Variants in ETV1 observed in about 807,000 individuals in gnomAD.
ETV1 encodes the protein ETS variant transcription factor 1.
ETV1 carries 27 observed loss-of-function variants against 62.3 expected under a neutral mutation model. The observed-to-expected ratio is 0.43, with a 90% confidence interval of 0.32 to 0.60. The LOEUF (loss-of-function observed/expected upper bound fraction) is 0.60, where lower values mean the gene tolerates loss of function less well. Among genes scored for constraint, ETV1 ranks in the 20% least tolerant of loss-of-function variants. The probability of loss-of-function intolerance (pLI) is 0.06; values close to 1 mark genes in which losing one functional copy is unlikely to be tolerated. For missense variants in ETV1, 605 were observed against 605.8 expected, an observed-to-expected ratio of 1.00 and a Z score of 0.01; for synonymous variants, 222 against 199.6, an observed-to-expected ratio of 1.11 and a Z score of -0.94.
intron 9 of ETV1, among the ~76,000 whole-genome samples, chr7:13,915,446 A>C (rs1489152598): frequency 6.6e-6 from 1 of 152,264 alleles, no homozygotes; most frequent in Non-Finnish European, 1.5e-5. Context: ...CACCAATCTC[A>C]TTCAAGAAAG....
intron 6 of ETV1, among the ~76,000 whole-genome samples, chr7:13,966,224 T>C (rs1357364911): frequency 6.6e-6 from 1 of 152,210 alleles, no homozygotes; most frequent in Admixed American, 6.5e-5. Flanking sequence ...GTCAGTCCCC[T>C]ATAACATGAA....
chr7:13,908,701 A>C (rs1783238208), intron 11 of ETV1, among the ~76,000 whole-genome samples: 1 of 152,172 alleles, frequency 6.6e-6, no homozygotes, highest in South Asian at 2.1e-4. Context: ...AAGCTCGGGA[A>C]CATGGGGTAG....
chr7:13,894,724 G>T lies in ETV1; in HGVS notation c.*1142C>A, dbSNP rs1781620679. ...CTTATAAATGGTCATAGTAAATTCA[G>T]CATGAAAGAGAATATTACAGAAAAG... On this transcript the variant is annotated 3_prime_UTR_variant, in exon 14 of 14. Coordinates refer to ENST00000430479, the MANE Select transcript of ETV1 (RefSeq NM_004956.5). 4.3e-6 allele frequency: 1 copy of T among 232,350 alleles called. No individual in the cohort carries two copies. The highest frequency in any genetic ancestry group is 5.6e-5 in the Admixed American group (1 of 17,750). 14.4% of individuals were successfully genotyped at this position (232,350 alleles called of 1,614,324 possible). A position where few individuals can be genotyped will look rare whatever the true frequency, so the allele number is the denominator to read the frequency against.
chr7:13,928,018 C>T (rs1380191517), intron 9 of ETV1, among the ~76,000 whole-genome samples: 2 of 152,104 alleles, frequency 1.3e-5, no homozygotes, highest in Non-Finnish European at 2.9e-5. Flanking sequence ...ACTTAACTTA[C>T]AAAAGAGATG....
rs1562726084 is a variant in ETV1 at position 13,988,079 on chromosome 7, AC to A, written c.133+6del. On this transcript the variant is annotated splice_donor_region_variant and intron_variant, in intron 4 of 13. Transcript: ENST00000430479. The stretch of plus-strand genomic sequence containing the variant: ...AAATGGGGATTCAGCCCAAAATCAA[AC>A]CTCACCTTCTGAATCATGAGCCAGA... 1 of 1,590,450 alleles carries A rather than the reference AC, an allele frequency of 6.3e-7. No individual in the cohort carries two copies. The highest frequency in any genetic ancestry group is 1.1e-5 in the South Asian group (1 of 90,582).
At chr7:13,921,080 T>C (rs6956539) in intron 9 of ETV1, among the ~76,000 whole-genome samples, 8,238 of 152,298 alleles carry the variant, frequency 0.054, 256 homozygotes, top group Middle Eastern at 0.11. Context: ...GAAAGTTCAA[T>C]AGCTCATTCT....
intron 9 of ETV1, among the ~76,000 whole-genome samples, chr7:13,921,056 T>C (rs907604509): frequency 1.3e-5 from 2 of 152,192 alleles, no homozygotes; most frequent in African/African-American, 2.4e-5. Flanking sequence ...AGAGATAAGA[T>C]GTTAACATTT....
At chr7:13,970,478 A>C (rs1780790378) in intron 6 of ETV1, among the ~76,000 whole-genome samples, 1 of 152,182 alleles carries the variant, frequency 6.6e-6, no homozygotes, top group Admixed American at 6.5e-5. Context: ...TAACATGTTT[A>C]AATATGCCTC....
intron 5 of ETV1, among the ~76,000 whole-genome samples, chr7:13,979,646 G>A (rs949900870): frequency 6.6e-5 from 10 of 152,004 alleles, no homozygotes; most frequent in African/African-American, 2.4e-4. Flanking sequence ...AGAATTAACA[G>A]CTAAACAGAT....
At chr7:13,900,709 T>A (rs1583558817) in intron 13 of ETV1, 29 bp downstream of exon 13, 1 of 1,425,008 alleles carries the variant, frequency 7.0e-7, no homozygotes, top group East Asian at 2.4e-5. Context: ...AACATTTCAA[T>A]GAATTTTAAT....
intron 6 of ETV1, among the ~76,000 whole-genome samples, chr7:13,953,661 A>T (rs949430006): frequency 4.0e-5 from 6 of 151,428 alleles, no homozygotes; most frequent in Admixed American, 1.3e-4. Context: ...TTCTTCCCAT[A>T]AGAACATGTT....
chr7:13,978,038 G>C (rs1490100888), intron 5 of ETV1, among the ~76,000 whole-genome samples: 3 of 152,058 alleles, frequency 2.0e-5, no homozygotes, highest in African/African-American at 7.2e-5. Flanking sequence ...TGGAAGAATG[G>C]TCCTTGATTT....
In ETV1 at chr7:13,907,912, T is replaced by C. The variant is rs931468572; in HGVS notation, c.941-1313A>G. On this transcript the variant is annotated intron_variant, in intron 11 of 13. Transcript: ENST00000430479. ...TAGCTGCTAAAATCATTATGTTGTT[T>C]TGGTCTTAACATGATAATATAGAAG... 3 of 461,422 alleles carry C rather than the reference T, an allele frequency of 6.5e-6. No homozygotes were observed. The Admixed American group carries it at 7.3e-5, about 11-fold the overall frequency. 28.6% of individuals were successfully genotyped at this position (461,422 alleles called of 1,614,324 possible). A position where few individuals can be genotyped will look rare whatever the true frequency, so the allele number is the denominator to read the frequency against.
rs750724962 is a variant in ETV1 at position 13,931,556 on chromosome 7, A to T, written c.748T>A (p.Phe250Ile). ...TGTTTAATCATCAGAGGAGGGGGAA[A>T]GCTTTGGCTGGCCGCACTGCCAACC... ...TMVGSAASQS[F>I]PPPLMIKQEP... The change falls in exon 9 of 14, where the codon TTT (phenylalanine) becomes ATT (isoleucine). Residue 250 changes from phenylalanine to isoleucine, a missense_variant. Phe to Ile is a conservative substitution (Grantham distance 21). This residue lies in a region of ETV1 where 426 missense variants were observed against 377.8 expected (regional missense o/e 1.13). Transcript: ENST00000430479. 1 of 1,614,054 alleles carries T rather than the reference A, an allele frequency of 6.2e-7. No homozygotes were observed. Among genetic ancestry groups the T allele is most frequent in the Non-Finnish European group, 8.5e-7 (1 of 1,179,900 alleles).
At chr7:13,924,828 A>T in intron 9 of ETV1, among the ~76,000 whole-genome samples, 1 of 152,230 alleles carries the variant, frequency 6.6e-6, no homozygotes, top group East Asian at 1.9e-4. Flanking sequence ...AGTTTGAAGT[A>T]GGTGAACTTC....
At chr7:13,973,431 G>C (rs1253262022) in intron 6 of ETV1, among the ~76,000 whole-genome samples, 1 of 152,112 alleles carries the variant, frequency 6.6e-6, no homozygotes, top group African/African-American at 2.4e-5. Flanking sequence ...CTGCTTAAAG[G>C]CATTTTGGAG....
At chr7:13,902,582 A>C (rs1782551588) in intron 12 of ETV1, among the ~76,000 whole-genome samples, 1 of 152,202 alleles carries the variant, frequency 6.6e-6, no homozygotes, top group Non-Finnish European at 1.5e-5. Flanking sequence ...TTTCATTCAA[A>C]AACCTAACTA....
At chr7:13,983,801 C>T (rs1222578467) in intron 5 of ETV1, among the ~76,000 whole-genome samples, 1 of 151,568 alleles carries the variant, frequency 6.6e-6, no homozygotes, top group Non-Finnish European at 1.5e-5. Flanking sequence ...ATTTAAATCT[C>T]TGTATGGGAA....
intron 6 of ETV1, among the ~76,000 whole-genome samples, chr7:13,949,119 C>T (rs1024480109): frequency 1.2e-4 from 18 of 151,056 alleles, no homozygotes; most frequent in Non-Finnish European, 1.6e-4. Flanking sequence ...AGTGTGGATA[C>T]TAAAGTGCTT....
Sources: allele counts gnomAD v4.1 joint callset (sites outside exome capture counted in the v4.1 genomes callset), GRCh38; gene constraint gnomAD v4.1.1; regional missense constraint gnomAD v4.1.1; transcripts MANE v1.5; gene names NCBI Gene and HGNC (gene_info 2026-07-23, HGNC 2026-07-21).